TJP1: variants seen among roughly 807,000 people sequenced by gnomAD.
The protein encoded by TJP1 is tight junction protein 1.
TJP1 carries 43 observed loss-of-function variants against 194.2 expected under a neutral mutation model. The observed-to-expected ratio is 0.22, with a 90% confidence interval of 0.17 to 0.29. TJP1 has a LOEUF of 0.29. Ranked by LOEUF, TJP1 falls within the 10% of genes least tolerant of loss-of-function variation. The pLI is 1.00. For missense variants in TJP1, 1,971 were observed against 2,185.7 expected (o/e 0.90, Z 1.96); for synonymous variants, 801 against 779.0 (o/e 1.03, Z -0.47).
At chr15:29,743,193 TA>T (rs1349311391) in intron 8 of TJP1, among the ~76,000 whole-genome samples, 1 of 152,132 alleles carries the variant, frequency 6.6e-6, no homozygotes, top group South Asian at 2.1e-4. Flanking sequence ...AACATTCACA[TA>T]ATCAACAGGA....
chr15:29,734,448 C>A, intron 11 of TJP1, 66 bp from the exon 12 acceptor site: 1 of 1,128,992 alleles, frequency 8.9e-7, no homozygotes. Context: ...ATACGCAGGA[C>A]ACAGATACTC....
At chr15:29,821,838 C>T (rs1475118019) in intron 1 of TJP1, among the ~76,000 whole-genome samples, 164 bp downstream of exon 1, 1 of 115,720 alleles carries the variant, frequency 8.6e-6, no homozygotes, top group East Asian at 3.2e-4. Context: ...GGGCTCCCCG[C>T]GGCCCGCGGC....
chr15:29,897,503 C>T (rs553814923), intron 2 of TJP1, among the ~76,000 whole-genome samples: 79 of 152,348 alleles, frequency 5.2e-4, no homozygotes, highest in African/African-American at 1.6e-3. Flanking sequence ...AGATTCCCTA[C>T]TGGGGCACTG....
chr15:29,726,261 T>G (rs2043228877), intron 18 of TJP1, 118 bp downstream of exon 18: 1 of 863,932 alleles, frequency 1.2e-6, no homozygotes, highest in Non-Finnish European at 1.8e-6. Context: ...AAAAGCTAAC[T>G]TTCCCCAAAT....
chr15:29,924,161 C>A (rs73371163), intron 2 of TJP1, among the ~76,000 whole-genome samples: 6,352 of 152,272 alleles, frequency 0.042, 189 homozygotes, highest in Middle Eastern at 0.11. Context: ...TCAGCCTCAA[C>A]CTCTCTGGGC....
chr15:29,774,400 T>C (rs183045493), intron 2 of TJP1, among the ~76,000 whole-genome samples: 18 of 152,272 alleles, frequency 1.2e-4, no homozygotes, highest in Admixed American at 3.3e-4. Flanking sequence ...GTGATATATA[T>C]CCATACAATG....
At chr15:29,816,419 G>A (rs1253862426) in intron 1 of TJP1, among the ~76,000 whole-genome samples, 3 of 152,102 alleles carry the variant, frequency 2.0e-5, no homozygotes, top group Admixed American at 1.3e-4. Flanking sequence ...TTATGAAGCT[G>A]TCCTGAAACA....
chr15:29,868,149 A>G (rs1446351629), intron 2 of TJP1, among the ~76,000 whole-genome samples: 1 of 151,830 alleles, frequency 6.6e-6, no homozygotes, highest in Non-Finnish European at 1.5e-5. Flanking sequence ...GTTTGAGCCT[A>G]TAAGTTCAAA....
Position 29,942,892 on chromosome 15 carries a change from CT to C in TJP1, c.306+13339del, listed in dbSNP as rs971039444. Among the ~76,000 whole-genome samples the C allele has an allele frequency of 4.6e-5, 7 of 152,172 alleles. 1 individual carries two copies. Among genetic ancestry groups the C allele is most frequent in the African/African-American group, 1.4e-4 (6 of 41,526 alleles). Reference sequence around the variant, plus strand: ...CTCCCAAGTCATTTTTCTTTTCTTCCTTTTTTTTAAGTGAATACTCTCTGTA... The same window carrying C: ...CTCCCAAGTCATTTTTCTTTTCTTCCTTTTTTTAAGTGAATACTCTCTGTA... On this transcript the variant is annotated intron_variant, in intron 2 of 28. Transcript: ENST00000356107.
rs772462543 is a variant in TJP1 at position 29,742,694 on chromosome 15, T to C, written c.1098A>G (p.Thr366=). Reference sequence around the variant, plus strand: ...TTCTTTCAACTGTAACTTCTTCCACTGTTTTAGGTGTGTGATCATCAGCAT... The same window carrying C: ...TTCTTTCAACTGTAACTTCTTCCACCGTTTTAGGTGTGTGATCATCAGCAT... ...VKHADDHTPK[T]VEEVTVERNE... The change falls in exon 9 of 28, where the codon ACA becomes ACG. Residue 366 remains threonine, a synonymous_variant. Coordinates refer to ENST00000614355, the MANE Select transcript of TJP1 (RefSeq NM_001330239.4). The C allele has an allele frequency of 1.3e-6, 2 of 1,591,598 alleles. No individual in the cohort carries two copies. The highest frequency in any genetic ancestry group is 1.2e-5 in the South Asian group (1 of 86,522).
chr15:29,703,623 T>G (rs1289741033), intron 27 of TJP1, among the ~76,000 whole-genome samples: 1 of 151,820 alleles, frequency 6.6e-6, no homozygotes, highest in Non-Finnish European at 1.5e-5. Context: ...CACCAAGAAA[T>G]AGTCAATATT....
chr15:29,772,330 A>T (rs2046744216), intron 3 of TJP1, among the ~76,000 whole-genome samples, 164 bp from the exon 4 acceptor site: 1 of 152,244 alleles, frequency 6.6e-6, no homozygotes, highest in African/African-American at 2.4e-5. Flanking sequence ...ACTTACTTTC[A>T]GATTTCTCTG....
chr15:29,835,676 A>G (rs1024342509), intron 2 of TJP1, among the ~76,000 whole-genome samples: 36 of 152,084 alleles, frequency 2.4e-4, no homozygotes, highest in Non-Finnish European at 1.3e-4. Flanking sequence ...AGCACAAAAC[A>G]TGATACTCTA....
At chr15:29,808,522 A>C (rs1173698639) in intron 1 of TJP1, among the ~76,000 whole-genome samples, 2 of 152,212 alleles carry the variant, frequency 1.3e-5, no homozygotes, top group Non-Finnish European at 2.9e-5. Context: ...ACCTGACAGA[A>C]CTGTAAGTAA....
chr15:29,831,158 AAG>A (rs1218101380), intron 2 of TJP1, among the ~76,000 whole-genome samples: 3 of 152,350 alleles, frequency 2.0e-5, no homozygotes, highest in Admixed American at 6.5e-5. Flanking sequence ...AAAGAGGAGA[AAG>A]AGGAGAATAT....
chr15:29,709,173 G>A, intron 24 of TJP1, 137 bp from the exon 25 acceptor site: 1 of 769,044 alleles, frequency 1.3e-6, no homozygotes, highest in Non-Finnish European at 2.1e-6. Flanking sequence ...TTGAGCCCTG[G>A]AGGCTAGGTG....
rs148733945 is a variant in TJP1 at position 29,910,051 on chromosome 15, G to A, written c.306+46181C>T. Reference sequence around the variant, plus strand: ...ATCAGAAAACACTCTAAAAGGCAACGTGATATTTGTTTATTTGTACTATTA... The same window carrying A: ...ATCAGAAAACACTCTAAAAGGCAACATGATATTTGTTTATTTGTACTATTA... On this transcript the variant is annotated intron_variant, in intron 2 of 28. Transcript: ENST00000356107. 5.9e-4 allele frequency among the ~76,000 whole-genome samples: 90 copies of A among 152,288 alleles called. 1 individual carries two copies. In the East Asian group the frequency reaches 0.016, roughly 27 times the overall value.
intron 26 of TJP1, among the ~76,000 whole-genome samples, chr15:29,704,864 A>C (rs895207323): frequency 6.6e-6 from 1 of 152,250 alleles, no homozygotes; most frequent in South Asian, 2.1e-4. Flanking sequence ...GGATATCCCC[A>C]AAATCAGAGT....
At chr15:29,730,420 A>T (rs905541669) in intron 15 of TJP1, among the ~76,000 whole-genome samples, 2 of 150,590 alleles carry the variant, frequency 1.3e-5, no homozygotes, top group Admixed American at 6.6e-5. Context: ...GTTTCTACAA[A>T]AATAATAATA....
Sources: gnomAD v4.1 joint callset for allele counts (sites outside exome capture counted in the v4.1 genomes callset) on GRCh38, gnomAD v4.1.1 for gene constraint, MANE v1.5 for transcripts, NCBI Gene and HGNC (gene_info 2026-07-23, HGNC 2026-07-21) for gene names.